PLPPR2: variants seen among roughly 807,000 people sequenced by gnomAD.
PLPPR2 encodes the protein phospholipid phosphatase-related protein type 2.
PLPPR2 carries 11 observed loss-of-function variants against 40.3 expected under a neutral mutation model. The ratio of observed to expected loss-of-function variants is 0.27; its 90% CI spans 0.17 to 0.45. The LOEUF (loss-of-function observed/expected upper bound fraction) is 0.45, where lower values mean the gene tolerates loss of function less well. PLPPR2 is among the 20% of genes least tolerant of loss of function. The probability of loss-of-function intolerance (pLI) is 1.00; values close to 1 mark genes in which losing one functional copy is unlikely to be tolerated. For synonymous variants in PLPPR2, 260 were observed against 290.8 expected (o/e 0.89, Z 1.08); for missense variants, 497 against 640.7 (o/e 0.78, Z 2.42).
chr19:11,362,530 G>A lies in PLPPR2; in HGVS notation c.681G>A (p.Val227=). 1 of 1,610,722 alleles carries A rather than the reference G, an allele frequency of 6.2e-7. No individual in the cohort carries two copies. The highest frequency in any genetic ancestry group is 2.2e-5 in the East Asian group (1 of 44,888). The change falls in exon 7 of 10, where the codon GTG becomes GTA. Residue 227 remains valine (V), a synonymous_variant. Transcript: ENST00000688289. This position sits in a 1 kb window ranked among gnomAD's most constrained non-coding sequence, Gnocchi z 5.3. ...VTYTAMYVTL[V]FRVKGSRLVK... Reference sequence around the variant, plus strand: ...CCCCGCAGATGTACGTGACTCTCGTGTTCCGCGTGAAGGGCTCCCGCCTGG... The same window carrying A: ...CCCCGCAGATGTACGTGACTCTCGTATTCCGCGTGAAGGGCTCCCGCCTGG...
chr19:11,362,372 C>T lies in PLPPR2; in HGVS notation c.664-141C>T, dbSNP rs1968072028. ...GCTCCCTGGAAAAGCCCACTGGGAG[C>T]CCATGACTCCAACCCTGGAGCCCCT... On this transcript the variant is annotated intron_variant, in intron 6 of 9. Coordinates refer to ENST00000688289, the MANE Select transcript of PLPPR2 (RefSeq NM_001393892.1). This position sits in a 1 kb window ranked among gnomAD's most constrained non-coding sequence, Gnocchi z 5.3. The T allele has an allele frequency of 4.5e-6, 4 of 887,916 alleles. 1 individual carries two copies. In the South Asian group the frequency reaches 4.8e-5, roughly 11 times the overall value. The allele number at this position is 887,916 out of a possible 1,614,324, so 55.0% of individuals were successfully genotyped here. A position where few individuals can be genotyped will look rare whatever the true frequency, so the allele number is the denominator to read the frequency against.
Position 11,363,865 on chromosome 19 carries a change from G to A in PLPPR2, c.963+30G>A. ...GGGGGGCCGGGGGCTGCTCCCGGCT[G>A]GAGAGGGTGGTGGGTGGAGGGGGCC... On this transcript the variant is annotated intron_variant, in intron 8 of 9. Coordinates refer to ENST00000688289, the MANE Select transcript of PLPPR2 (RefSeq NM_001393892.1). The surrounding 1 kb of genome is among the most constrained non-coding windows in gnomAD (Gnocchi z 4.8). 1 of 1,604,442 alleles carries A rather than the reference G, an allele frequency of 6.2e-7. No homozygotes were observed. Among genetic ancestry groups the A allele is most frequent in the Non-Finnish European group, 8.5e-7 (1 of 1,174,580 alleles).
In PLPPR2 at chr19:11,364,715, G is replaced by C. The variant is rs759428461; in HGVS notation, c.*25G>C. The C allele has an allele frequency of 2.6e-6, 4 of 1,536,626 alleles. No homozygotes were observed. Among genetic ancestry groups the C allele is most frequent in the Non-Finnish European group, 3.5e-6 (4 of 1,146,694 alleles). ...AGGCCCGACCACCCACCCAGAATCT[G>C]CCCAGTCCCCACTTCTTCCCTGCCA... On this transcript the variant is annotated 3_prime_UTR_variant, in exon 10 of 10. Transcript: ENST00000688289. The surrounding 1 kb of genome is among the most constrained non-coding windows in gnomAD (Gnocchi z 5.8).
rs924387535 is a variant in PLPPR2, at chr19:11,364,857, C to T, written c.*167C>T. 2 of 767,688 alleles carry T rather than the reference C, an allele frequency of 2.6e-6. No homozygotes were observed. The highest frequency in any genetic ancestry group is 3.5e-5 in the African/African-American group (2 of 57,274). The allele number at this position is 767,688 out of a possible 1,614,324, so 47.6% of individuals were successfully genotyped here. On this transcript the variant is annotated 3_prime_UTR_variant, in exon 10 of 10. Coordinates refer to ENST00000688289, the MANE Select transcript of PLPPR2 (RefSeq NM_001393892.1). The surrounding 1 kb of genome is among the most constrained non-coding windows in gnomAD (Gnocchi z 5.8). ...TTAGGAGACATCTGCCTCTCTGGCC[C>T]TCTGAGATATCCCGATGGGCACAAA...
At chr19:11,358,037 G>A (rs917148405) in intron 3 of PLPPR2, among the ~76,000 whole-genome samples, 4 of 13,564 alleles carry the variant, frequency 2.9e-4, no homozygotes, top group South Asian at 1.8e-3. Flanking sequence ...CTCTGTGTGT[G>A]TGTGTGTGTG....
In PLPPR2 at chr19:11,359,977, T is replaced by C. The variant is rs764068917; in HGVS notation, c.391+21T>C. On this transcript the variant is annotated intron_variant, in intron 5 of 9. Coordinates refer to ENST00000688289, the MANE Select transcript of PLPPR2 (RefSeq NM_001393892.1). This position sits in a 1 kb window ranked among gnomAD's most constrained non-coding sequence, Gnocchi z 5.6. ...CCTGGGTGAGAGACATGGCCTGGGGTCAGCCCCATGGTAATGGTGGGGAGG... is the reference window on the plus strand; with the variant it reads ...CCTGGGTGAGAGACATGGCCTGGGGCCAGCCCCATGGTAATGGTGGGGAGG... The C allele has an allele frequency of 6.3e-7, 1 of 1,584,146 alleles. No individual in the cohort carries two copies. Among genetic ancestry groups the C allele is most frequent in the Non-Finnish European group, 8.6e-7 (1 of 1,163,532 alleles).
rs1968028306 is a variant in PLPPR2, at chr19:11,361,047, C to T, written c.392-170C>T. On this transcript the variant is annotated intron_variant, in intron 5 of 9. Transcript: ENST00000688289. The surrounding 1 kb of genome is among the most constrained non-coding windows in gnomAD (Gnocchi z 6.3). ...AATGAGGGTCCCTGGGGGCAGGAGG[C>T]CTCAGAGTACCTTCATGGTGGTCTT... Among the ~76,000 whole-genome samples the T allele has an allele frequency of 1.3e-5, 2 of 152,004 alleles. No homozygotes were observed. The highest frequency in any genetic ancestry group is 4.1e-4 in the South Asian group (2 of 4,820).
In PLPPR2 at chr19:11,364,627, C is replaced by T. The variant is rs1255311406; in HGVS notation, c.1296C>T (p.Pro432=). Residue 432 remains proline (P), a synonymous_variant, in exon 10 of 10, where the codon CCC becomes CCT. Coordinates refer to ENST00000688289, the MANE Select transcript of PLPPR2 (RefSeq NM_001393892.1). This position sits in a 1 kb window ranked among gnomAD's most constrained non-coding sequence, Gnocchi z 5.8. The part of the protein sequence containing the change: ...RDLYTLSGLY[P]SPFHRDNFSP... The stretch of plus-strand genomic sequence containing the variant: ...TGTACACCCTGAGTGGACTCTATCC[C>T]TCCCCCTTCCACCGGGACAACTTCA... 17 of 1,537,102 alleles carry T rather than the reference C, an allele frequency of 1.1e-5. No individual in the cohort carries two copies. The East Asian group carries it at 2.2e-4, about 20-fold the overall frequency.
chr19:11,365,343 C>G lies in PLPPR2; in HGVS notation c.*653C>G, dbSNP rs2144683609. 6.5e-6 allele frequency: 1 copy of G among 154,148 alleles called. No homozygotes were observed. The highest frequency in any genetic ancestry group is 1.9e-4 in the East Asian group (1 of 5,186). The allele number at this position is 154,148 out of a possible 1,614,324, so 9.5% of individuals were successfully genotyped here. A position where few individuals can be genotyped will look rare whatever the true frequency, so the allele number is the denominator to read the frequency against. Reference sequence around the variant, plus strand: ...CTCTCCACCTCTCACCCACTCTCTCCTAATCCCCTACTTAAGTAGGGCTTG... The same window carrying G: ...CTCTCCACCTCTCACCCACTCTCTCGTAATCCCCTACTTAAGTAGGGCTTG... On this transcript the variant is annotated 3_prime_UTR_variant, in exon 10 of 10. Coordinates refer to ENST00000688289, the MANE Select transcript of PLPPR2 (RefSeq NM_001393892.1).
intron 5 of PLPPR2, among the ~76,000 whole-genome samples, chr19:11,360,211 C>A (rs1211916317): frequency 6.6e-6 from 1 of 151,648 alleles, no homozygotes. Flanking sequence ...TGCCTGTAAT[C>A]CTTGAACCCG....
In PLPPR2 at chr19:11,362,663, A is replaced by T. The variant is rs779993433; in HGVS notation, c.814A>T (p.Thr272Ser). Residue 272 changes from threonine (T) to serine (S), a missense_variant, in exon 7 of 10, where the codon ACA (threonine) becomes TCA (serine). By Grantham distance (58) the Thr-to-Ser change is moderately conservative. Transcript: ENST00000688289. The surrounding 1 kb of genome is among the most constrained non-coding windows in gnomAD (Gnocchi z 5.3). ...GTCGGACGTGCTGGCTGGCTTCCTGACAGGGGCGGCCATCGCCACCTTTTT... is the reference window on the plus strand; with the variant it reads ...GTCGGACGTGCTGGCTGGCTTCCTGTCAGGGGCGGCCATCGCCACCTTTTT... ...HWSDVLAGFL[T>S]GAAIATFLVT... The T allele has an allele frequency of 4.3e-6, 7 of 1,613,246 alleles. No individual in the cohort carries two copies. The highest frequency in any genetic ancestry group is 8.5e-7 in the Non-Finnish European group (1 of 1,179,468).
intron 3 of PLPPR2, among the ~76,000 whole-genome samples, chr19:11,358,720 CTT>C (rs766931225): frequency 1.4e-5 from 2 of 147,290 alleles, no homozygotes; most frequent in African/African-American, 2.5e-5. Context: ...CCCTCTCTCT[CTT>C]TCTTTCTTTT....
At chr19:11,360,663 G>A (rs779488825) in intron 5 of PLPPR2, among the ~76,000 whole-genome samples, 27 of 151,996 alleles carry the variant, frequency 1.8e-4, no homozygotes, top group Non-Finnish European at 3.1e-4. Context: ...AACACCCTGG[G>A]GCCCCTGGGT....
intron 2 of PLPPR2, among the ~76,000 whole-genome samples, chr19:11,357,417 G>A (rs901036946): frequency 6.6e-6 from 1 of 152,086 alleles, no homozygotes; most frequent in South Asian, 2.1e-4. Context: ...AGGGACCCCC[G>A]TAGACTCTTG....
rs1466177978 is a variant in PLPPR2, at chr19:11,364,642, G to A, written c.1311G>A (p.Arg437=). 6.5e-7 allele frequency: 1 copy of A among 1,537,116 alleles called. No homozygotes were observed. Among genetic ancestry groups the A allele is most frequent in the Admixed American group, 2.0e-5 (1 of 50,968 alleles). ...GACTCTATCCCTCCCCCTTCCACCG[G>A]GACAACTTCAGCCCTTACCTGTTTG... ...LSGLYPSPFH[R]DNFSPYLFAS... is the part of the protein sequence containing the mutation. Residue 437 remains arginine (R), a synonymous_variant, in exon 10 of 10, where the codon CGG becomes CGA. Coordinates refer to ENST00000688289, the MANE Select transcript of PLPPR2 (RefSeq NM_001393892.1). The surrounding 1 kb of genome is among the most constrained non-coding windows in gnomAD (Gnocchi z 5.8).
chr19:11,364,404 C>T lies in PLPPR2; in HGVS notation c.1073C>T (p.Ala358Val), dbSNP rs1391262546. ...HLIPSCVSSRAPAMCSSPRVP... is the reference protein window; with the variant it reads ...HLIPSCVSSRVPAMCSSPRVP... ...ATCCCCAGCTGTGTCTCCTCCAGGG[C>T]CCCAGCCATGTGTTCGTCGCCCCGT... The change falls in exon 10 of 10, where the codon GCC (alanine) becomes GTC (valine). Residue 358 changes from alanine to valine, a missense_variant. Physicochemically the swap from Ala to Val is moderately conservative, Grantham distance 64 (BLOSUM62 0). Coordinates refer to ENST00000688289, the MANE Select transcript of PLPPR2 (RefSeq NM_001393892.1). This position sits in a 1 kb window ranked among gnomAD's most constrained non-coding sequence, Gnocchi z 5.8. 1 of 1,521,052 alleles carries T rather than the reference C, an allele frequency of 6.6e-7. No homozygotes were observed. The highest frequency in any genetic ancestry group is 8.8e-7 in the Non-Finnish European group (1 of 1,135,852). 94.2% of individuals were successfully genotyped at this position (1,521,052 alleles called of 1,614,324 possible). A position where few individuals can be genotyped will look rare whatever the true frequency, so the allele number is the denominator to read the frequency against.
chr19:11,362,323 C>T lies in PLPPR2; in HGVS notation c.664-190C>T, dbSNP rs1414297720. 1 of 570,872 alleles carries T rather than the reference C, an allele frequency of 1.8e-6. No homozygotes were observed. Among genetic ancestry groups the T allele is most frequent in the South Asian group, 2.1e-5 (1 of 48,330 alleles). 35.4% of individuals were successfully genotyped at this position (570,872 alleles called of 1,614,324 possible). Reference sequence around the variant, plus strand: ...ACTCCAAGACCTCAATCCCTGACCCCCCCCCCTTTGCCTTTTTGGTCACGC... The same window carrying T: ...ACTCCAAGACCTCAATCCCTGACCCTCCCCCCTTTGCCTTTTTGGTCACGC... On this transcript the variant is annotated intron_variant, in intron 6 of 9. Transcript: ENST00000688289. The surrounding 1 kb of genome is among the most constrained non-coding windows in gnomAD (Gnocchi z 5.3).
chr19:11,360,028 G>A (rs1968001573), intron 5 of PLPPR2, 72 bp downstream of exon 5: 2 of 1,492,290 alleles, frequency 1.3e-6, no homozygotes, highest in South Asian at 2.6e-5. Context: ...AGAGTCATGG[G>A]CCTGACAGTC....
rs772316336 is a variant in PLPPR2, at chr19:11,361,558, G to C, written c.663+70G>C. 6.5e-7 allele frequency: 1 copy of C among 1,533,270 alleles called. No homozygotes were observed. The highest frequency in any genetic ancestry group is 2.1e-4 in the Middle Eastern group (1 of 4,820). The allele number at this position is 1,533,270 out of a possible 1,614,324, so 95.0% of individuals were successfully genotyped here. A position where few individuals can be genotyped will look rare whatever the true frequency, so the allele number is the denominator to read the frequency against. ...GACAGCGACCAGCAGCTAGGAAGCC[G>C]CCAGGGTTGGAGCCTCTGCTCTTCC... On this transcript the variant is annotated intron_variant, in intron 6 of 9. Transcript: ENST00000688289. This position sits in a 1 kb window ranked among gnomAD's most constrained non-coding sequence, Gnocchi z 6.3.
Sources: gnomAD v4.1 joint callset for allele counts (sites outside exome capture counted in the v4.1 genomes callset) on GRCh38, gnomAD v4.1.1 for gene constraint, Gnocchi (gnomAD v3.1) non-coding constraint, MANE v1.5 for transcripts, NCBI Gene and HGNC (gene_info 2026-07-23, HGNC 2026-07-21) for gene names.